The following NRXN1 variants were observed in gnomAD, a reference collection of about 807,000 sequenced individuals.
The protein encoded by NRXN1 is neurexin 1, also known as neurexin-1.
NRXN1 carries 39 observed loss-of-function variants against 150.9 expected under a neutral mutation model. The ratio of observed to expected loss-of-function variants is 0.26; its 90% CI spans 0.20 to 0.34. The LOEUF (loss-of-function observed/expected upper bound fraction) is 0.34, where lower values mean the gene tolerates loss of function less well. NRXN1 is among the 10% of genes least tolerant of loss of function. The pLI is 1.00. For synonymous variants in NRXN1, 924 were observed against 757.0 expected (o/e 1.22, Z -3.62); for missense variants, 1,815 against 1,949.9 (o/e 0.93, Z 1.30).
chr2:50,702,247 G>C lies in NRXN1; in HGVS notation c.833-78632C>G, dbSNP rs78831309. On this transcript the variant is annotated intron_variant, in intron 5 of 22. Transcript: ENST00000401669. ...AGTTTTCTAAACATATTTTCACATT[G>C]AACTCCTTTTCCAGATAACATAGAT... 4.9e-3 allele frequency among the ~76,000 whole-genome samples: 742 copies of C among 151,828 alleles called. 7 individuals carry two copies. The highest frequency in any genetic ancestry group is 0.017 in the African/African-American group (701 of 41,402).
At chr2:50,118,838 A>C (rs1438043590) in intron 18 of NRXN1, among the ~76,000 whole-genome samples, 1 of 152,158 alleles carries the variant, frequency 6.6e-6, no homozygotes, top group East Asian at 1.9e-4. Flanking sequence ...CCTTCTTCTA[A>C]CATAAGTCTG....
chr2:50,202,472 T>C (rs1715989), intron 18 of NRXN1, among the ~76,000 whole-genome samples: 102,886 of 151,870 alleles, frequency 0.68, 35,169 homozygotes, highest in African/African-American at 0.75. Flanking sequence ...TGCTACTACA[T>C]TCCAGCCTGG....
intron 5 of NRXN1, among the ~76,000 whole-genome samples, chr2:50,733,025 C>A (rs891232599): frequency 1.2e-4 from 18 of 152,242 alleles, no homozygotes; most frequent in African/African-American, 3.6e-4. Context: ...AAAAATATGG[C>A]AAGTATCCCA....
At chr2:50,788,131 G>C (rs1705394984) in intron 5 of NRXN1, among the ~76,000 whole-genome samples, 2 of 150,818 alleles carry the variant, frequency 1.3e-5, no homozygotes, top group Non-Finnish European at 1.5e-5. Context: ...CTGTCGCCCA[G>C]GCTGGAGTGT....
At chr2:50,244,076 C>T (rs949926421) in intron 17 of NRXN1, among the ~76,000 whole-genome samples, 3 of 151,770 alleles carry the variant, frequency 2.0e-5, no homozygotes, top group Non-Finnish European at 4.4e-5. Context: ...AATAAATGTT[C>T]TACATTTTCT....
At chr2:50,642,851 C>T (rs1449056736) in intron 5 of NRXN1, among the ~76,000 whole-genome samples, 1 of 151,812 alleles carries the variant, frequency 6.6e-6, no homozygotes, top group Non-Finnish European at 1.5e-5. Flanking sequence ...ATCAAATAGA[C>T]CAATATGTGT....
At chr2:50,146,589 T>C (rs1478436116) in intron 18 of NRXN1, among the ~76,000 whole-genome samples, 4 of 151,702 alleles carry the variant, frequency 2.6e-5, no homozygotes, top group Non-Finnish European at 5.9e-5. Flanking sequence ...AAATAAATGA[T>C]AAGATATTCT....
chr2:50,708,357 C>A (rs78957928), intron 5 of NRXN1, among the ~76,000 whole-genome samples: 1 of 152,122 alleles, frequency 6.6e-6, no homozygotes, highest in African/African-American at 2.4e-5. Flanking sequence ...TCAATTTTAG[C>A]AGCATTTGAT....
intron 18 of NRXN1, among the ~76,000 whole-genome samples, chr2:50,223,235 G>T (rs76489477): frequency 1.3e-5 from 2 of 151,822 alleles, no homozygotes; most frequent in African/African-American, 4.8e-5. Flanking sequence ...TACTGAGAAG[G>T]ACAAAGTTAA....
chr2:50,800,482 G>C (rs976128283), intron 5 of NRXN1, among the ~76,000 whole-genome samples: 1 of 152,184 alleles, frequency 6.6e-6, no homozygotes, highest in African/African-American at 2.4e-5. Context: ...TGTAGGCCAA[G>C]TCAATGAGTT....
At chr2:50,756,512 C>G (rs1230914006) in intron 5 of NRXN1, among the ~76,000 whole-genome samples, 9 of 151,726 alleles carry the variant, frequency 5.9e-5, no homozygotes, top group Admixed American at 5.9e-4. Flanking sequence ...AATTTCCTTA[C>G]CCTTTGTTCT....
chr2:49,940,171 A>T (rs1185445447), intron 22 of NRXN1, among the ~76,000 whole-genome samples: 3 of 152,150 alleles, frequency 2.0e-5, no homozygotes, highest in African/African-American at 7.2e-5. Context: ...GGTACTCAGA[A>T]GATTTGGGCA....
chr2:50,464,209 T>A (rs2088567551), intron 17 of NRXN1, among the ~76,000 whole-genome samples: 1 of 151,862 alleles, frequency 6.6e-6, no homozygotes, highest in Non-Finnish European at 1.5e-5. Context: ...TCAGGTTTAC[T>A]GTAATTCTAT....
chr2:50,706,969 T>C (rs887597854), intron 5 of NRXN1, among the ~76,000 whole-genome samples: 9 of 152,174 alleles, frequency 5.9e-5, no homozygotes, highest in Non-Finnish European at 1.3e-4. Flanking sequence ...ATTTATCTCA[T>C]GGTAAATTTC....
chr2:50,478,978 C>A (rs747197842), intron 15 of NRXN1, among the ~76,000 whole-genome samples: 11 of 152,088 alleles, frequency 7.2e-5, no homozygotes, highest in Middle Eastern at 3.2e-3. Context: ...AACCTGTTAC[C>A]TGGTGTCACT....
Position 50,806,077 on chromosome 2 carries a change from A to G in NRXN1, c.832+115792T>C, listed in dbSNP as rs962334095. On this transcript the variant is annotated intron_variant, in intron 5 of 22. Transcript: ENST00000401669. ...TTTAAATGAAGGAATAATTTATTGC[A>G]TTGTACTTTAAAATCCACATTCCTT... is the stretch of plus-strand genomic sequence containing the variant. Among the ~76,000 whole-genome samples, 4 of 152,354 alleles carry G rather than the reference A, an allele frequency of 2.6e-5. No homozygotes were observed. The East Asian group carries it at 5.8e-4, about 22-fold the overall frequency.
At chr2:50,368,219 T>G (rs2079742457) in intron 17 of NRXN1, among the ~76,000 whole-genome samples, 1 of 151,962 alleles carries the variant, frequency 6.6e-6, no homozygotes. Flanking sequence ...GACAGAAGAT[T>G]GTTTAAATTA....
chr2:50,726,782 A>G (rs915528853), intron 5 of NRXN1, among the ~76,000 whole-genome samples: 3 of 152,200 alleles, frequency 2.0e-5, no homozygotes, highest in African/African-American at 7.2e-5. Flanking sequence ...AGACTCCAAT[A>G]TAGTCATTTT....
chr2:50,970,928 C>G (rs1364505613), intron 2 of NRXN1, among the ~76,000 whole-genome samples: 3 of 152,008 alleles, frequency 2.0e-5, no homozygotes, highest in African/African-American at 7.2e-5. Flanking sequence ...GCTTTTATAT[C>G]TCTTATATTT....
Sources: allele counts gnomAD v4.1 joint callset (sites outside exome capture counted in the v4.1 genomes callset), GRCh38; gene constraint gnomAD v4.1.1; transcripts MANE v1.5; gene names NCBI Gene and HGNC (gene_info 2026-07-23, HGNC 2026-07-21).